The following EPAS1 variants were observed in gnomAD, a reference collection of about 807,000 sequenced individuals.
EPAS1 encodes the protein endothelial PAS domain-containing protein 1.
Under a neutral mutation model 87.9 loss-of-function variants are expected in EPAS1, and 23 were observed. The observed-to-expected ratio is 0.26, with a 90% confidence interval of 0.19 to 0.37. EPAS1 has a LOEUF of 0.37. Ranked by LOEUF, EPAS1 falls within the 10% of genes least tolerant of loss-of-function variation. The pLI is 1.00. For missense variants in EPAS1, 1,138 were observed against 1,120.7 expected (o/e 1.02, Z -0.22); for synonymous variants, 508 against 444.3 (o/e 1.14, Z -1.80).
At chr2:46,384,061 A>G (rs2103681331) in intron 15 of EPAS1, among the ~76,000 whole-genome samples, 1 of 152,350 alleles carries the variant, frequency 6.6e-6, no homozygotes, top group African/African-American at 2.4e-5. Flanking sequence ...CAGAGGCAAG[A>G]AGAAAGGACT....
intron 4 of EPAS1, among the ~76,000 whole-genome samples, chr2:46,358,150 T>C (rs756146777): frequency 6.6e-6 from 1 of 152,212 alleles, no homozygotes; most frequent in Non-Finnish European, 1.5e-5. Context: ...AGACACTTCA[T>C]TGGCTCACCT....
At chr2:46,326,610 C>G (rs1365198646) in intron 1 of EPAS1, among the ~76,000 whole-genome samples, 1 of 152,142 alleles carries the variant, frequency 6.6e-6, no homozygotes, top group Non-Finnish European at 1.5e-5. Context: ...TGCCTTACTA[C>G]CCTAGCATAC....
rs1259457614 is a variant in EPAS1, at chr2:46,381,277, C to T, written c.2046-319C>T. 5 of 418,864 alleles carry T rather than the reference C, an allele frequency of 1.2e-5. No individual in the cohort carries two copies. The Admixed American group carries it at 1.8e-4, about 15-fold the overall frequency. The allele number at this position is 418,864 out of a possible 1,614,324, so 25.9% of individuals were successfully genotyped here. The stretch of plus-strand genomic sequence containing the variant: ...CTGGTACTTGCCCTTTATAGAGCAG[C>T]CAAACTAGTTTTCAGTGGGAGCAAA... On this transcript the variant is annotated intron_variant, in intron 12 of 15. Transcript: ENST00000263734.
chr2:46,378,061 A>T lies in EPAS1; in HGVS notation c.1417A>T (p.Thr473Ser). The T allele has an allele frequency of 6.2e-7, 1 of 1,606,708 alleles. No individual in the cohort carries two copies. The highest frequency in any genetic ancestry group is 8.5e-7 in the Non-Finnish European group (1 of 1,177,762). The change falls in exon 10 of 16, where the codon ACC (threonine) becomes TCC (serine). Residue 473 changes from threonine (T) to serine (S), a missense_variant. Coordinates refer to ENST00000263734, the MANE Select transcript of EPAS1 (RefSeq NM_001430.5). ...AAPGSTTPSA[T>S]SSSSSCSTPN... ...CCCGGGCAGCACCACCCCCAGTGCC[A>T]CCAGCAGCAGCAGCAGCTGCTCCAC...
chr2:46,367,690 C>A (rs927179068), intron 6 of EPAS1, among the ~76,000 whole-genome samples: 1 of 152,242 alleles, frequency 6.6e-6, no homozygotes, highest in African/African-American at 2.4e-5. Context: ...CACAAATGAG[C>A]TGCTAGGATC....
intron 12 of EPAS1, 150 bp from the exon 13 acceptor site, chr2:46,381,446 G>A: frequency 7.9e-7 from 1 of 1,269,790 alleles, no homozygotes; most frequent in Non-Finnish European, 1.1e-6. Flanking sequence ...CGGCCTGCAG[G>A]TGCACAGCCT....
intron 1 of EPAS1, among the ~76,000 whole-genome samples, chr2:46,323,354 T>A (rs1683489396): frequency 6.6e-6 from 1 of 152,232 alleles, no homozygotes. Context: ...ATAAAGTAGG[T>A]GCCAAAGGCA....
At chr2:46,361,430 A>G (rs1418191920) in intron 6 of EPAS1, among the ~76,000 whole-genome samples, 1 of 152,194 alleles carries the variant, frequency 6.6e-6, no homozygotes, top group Non-Finnish European at 1.5e-5. Flanking sequence ...GAAAGAGTCT[A>G]GAGACTTCCA....
chr2:46,377,154 C>T (rs566017413), intron 9 of EPAS1, among the ~76,000 whole-genome samples: 1 of 152,204 alleles, frequency 6.6e-6, no homozygotes, highest in Non-Finnish European at 1.5e-5. Flanking sequence ...ATGGCTTGTT[C>T]AGGCAGAGGG....
chr2:46,311,655 G>A (rs17034950), intron 1 of EPAS1, among the ~76,000 whole-genome samples: 38,381 of 152,156 alleles, frequency 0.25, 5,712 homozygotes, highest in East Asian at 0.58. Context: ...ACATATCCAC[G>A]TCTTTTCCTT....
chr2:46,378,432 A>G (rs773241964), intron 10 of EPAS1, among the ~76,000 whole-genome samples: 5 of 152,214 alleles, frequency 3.3e-5, no homozygotes, highest in African/African-American at 4.8e-5. Flanking sequence ...ACAACCTGTG[A>G]AGCGACAGTA....
intron 1 of EPAS1, among the ~76,000 whole-genome samples, chr2:46,332,139 G>C (rs1255173049): frequency 1.3e-5 from 2 of 152,172 alleles, no homozygotes; most frequent in Non-Finnish European, 2.9e-5. Flanking sequence ...GGAAGAGGCT[G>C]TGGGGTGTGC....
chr2:46,302,795 TG>T (rs1392905439), intron 1 of EPAS1, among the ~76,000 whole-genome samples: 1 of 149,620 alleles, frequency 6.7e-6, no homozygotes, highest in African/African-American at 2.5e-5. Flanking sequence ...TATAAGGGGT[TG>T]GGCGTGGTAA....
At chr2:46,355,537 G>T (rs1032650319) in intron 2 of EPAS1, among the ~76,000 whole-genome samples, 6 of 152,210 alleles carry the variant, frequency 3.9e-5, no homozygotes, top group African/African-American at 1.4e-4. Flanking sequence ...CGGTCACTGT[G>T]AAGATTACAT....
chr2:46,338,431 C>T (rs959784699), intron 1 of EPAS1, among the ~76,000 whole-genome samples: 1 of 152,182 alleles, frequency 6.6e-6, no homozygotes, highest in Non-Finnish European at 1.5e-5. Flanking sequence ...TGGCAGACAT[C>T]AGAGGCCACA....
chr2:46,327,972 CG>C lies in EPAS1; in HGVS notation c.27-18894del, dbSNP rs377455079. 1.9e-4 allele frequency among the ~76,000 whole-genome samples: 29 copies of C among 152,148 alleles called. No individual in the cohort carries two copies. The East Asian group carries it at 4.6e-3, about 24-fold the overall frequency. On this transcript the variant is annotated intron_variant, in intron 1 of 15. Transcript: ENST00000263734. ...CTGCTCCCAAATGTTAACCTACCTC[CG>C]GGGGGGCTACACGTACTCCCTCCCC...
At chr2:46,306,393 A>G (rs1459271044) in intron 1 of EPAS1, among the ~76,000 whole-genome samples, 1 of 152,206 alleles carries the variant, frequency 6.6e-6, no homozygotes, top group Non-Finnish European at 1.5e-5. Flanking sequence ...GTCTGAAGTA[A>G]AACCTAGAAG....
chr2:46,339,394 T>G (rs1046495912), intron 1 of EPAS1, among the ~76,000 whole-genome samples: 2 of 152,236 alleles, frequency 1.3e-5, no homozygotes, highest in African/African-American at 4.8e-5. Context: ...TGGCCAGTGC[T>G]GCTTGTCAGC....
chr2:46,380,670 G>T lies in EPAS1; in HGVS notation c.1998G>T (p.Pro666=), dbSNP rs368445079. The T allele has an allele frequency of 4.3e-6, 7 of 1,613,946 alleles. No homozygotes were observed. In the East Asian group the frequency reaches 1.6e-4, roughly 36 times the overall value. ...DQRTEFLGAA[P]LGPPVSPPHV... is the part of the protein sequence containing the mutation. ...GCACAGAGTTCTTGGGAGCAGCGCC[G>T]TTGGGGCCCCCTGTCTCTCCACCCC... is the stretch of plus-strand genomic sequence containing the variant. The change falls in exon 12 of 16, where the codon CCG becomes CCT. Residue 666 remains proline, a synonymous_variant. Coordinates refer to ENST00000263734, the MANE Select transcript of EPAS1 (RefSeq NM_001430.5). This position sits in a 1 kb window ranked among gnomAD's most constrained non-coding sequence, Gnocchi z 4.4.
Sources: allele counts gnomAD v4.1 joint callset (sites outside exome capture counted in the v4.1 genomes callset), GRCh38; gene constraint gnomAD v4.1.1; non-coding constraint Gnocchi (gnomAD v3.1); transcripts MANE v1.5; gene names NCBI Gene and HGNC (gene_info 2026-07-23, HGNC 2026-07-21).